The following GRIPAP1 variants were observed in gnomAD, a reference collection of about 807,000 sequenced individuals.
GRIPAP1 encodes the protein GRIP1-associated protein 1.
Under a neutral mutation model 84.1 loss-of-function variants are expected in GRIPAP1, and 14 were observed. The ratio of observed to expected loss-of-function variants is 0.17; its 90% CI spans 0.11 to 0.26. The LOEUF (loss-of-function observed/expected upper bound fraction) is 0.26, where lower values mean the gene tolerates loss of function less well. Among genes scored for constraint, GRIPAP1 ranks in the 10% least tolerant of loss-of-function variants. The pLI, the probability that GRIPAP1 is intolerant of heterozygous loss-of-function variation, is 1.00. For synonymous variants in GRIPAP1, 261 were observed against 256.8 expected, an observed-to-expected ratio of 1.02 and a Z score of -0.15; for missense variants, 518 against 674.2, an observed-to-expected ratio of 0.77 and a Z score of 2.57.
intron 21 of GRIPAP1, among the ~76,000 whole-genome samples, chrX:48,978,723 G>A (rs1240871362): frequency 9.1e-6 from 1 of 109,503 alleles, no homozygotes; most frequent in South Asian, 3.9e-4. Flanking sequence ...AAGAAACCCC[G>A]TCTCTACTAA....
rs782079337 is a variant in GRIPAP1 at position 48,975,339 on chromosome X, C to A, written c.2279-30G>T. ...AAGGGCCCAGGCTGAAAACCACCCC[C>A]TCGGCAGAGCCAGAGGAGAGCCAGG... On this transcript the variant is annotated intron_variant, in intron 24 of 25. Coordinates refer to ENST00000376423, the MANE Select transcript of GRIPAP1 (RefSeq NM_020137.5). 5 of 1,188,002 alleles carry A rather than the reference C, an allele frequency of 4.2e-6. No homozygotes were observed. In the South Asian group the frequency reaches 9.2e-5, roughly 22 times the overall value.
chrX:48,975,763 CAGGGAG>C (rs2064418725), intron 24 of GRIPAP1: 2 of 388,112 alleles, frequency 5.2e-6, no homozygotes, highest in African/African-American at 5.2e-5. Flanking sequence ...AGATGAGGCA[CAGGGAG>C]AGGAAAGGAG....
chrX:48,988,258 T>C, intron 11 of GRIPAP1, 60 bp from the exon 12 acceptor site: 6 of 834,006 alleles, frequency 7.2e-6, no homozygotes, highest in Non-Finnish European at 7.0e-6. Flanking sequence ...CATATAACCG[T>C]ACAGACTCTC....
At chrX:48,996,299 T>A (rs887292198) in intron 5 of GRIPAP1, among the ~76,000 whole-genome samples, 1 of 112,163 alleles carries the variant, frequency 8.9e-6, no homozygotes, top group African/African-American at 3.2e-5. Context: ...TATTCTCAGA[T>A]GGAGCCTTAG....
In GRIPAP1 at chrX:48,997,676, GGAGA is replaced by G. The variant is rs112313153; in HGVS notation, c.199-323_199-320del. On this transcript the variant is annotated intron_variant, in intron 4 of 25. Coordinates refer to ENST00000376423, the MANE Select transcript of GRIPAP1 (RefSeq NM_020137.5). ...TAGAAAAGGGGAGAGGGATTGGGAG[GGAGA>G]GAGTGAAAAAGACGGAGAGAAGAAC... Among the ~76,000 whole-genome samples the G allele has an allele frequency of 3.7e-3, 401 of 108,110 alleles. 1 individual carries two copies. Among genetic ancestry groups the G allele is most frequent in the African/African-American group, 0.013 (373 of 29,539 alleles). The allele number at this position is 108,110 out of a possible 115,157, so 93.9% of individuals were successfully genotyped here. A position where few individuals can be genotyped will look rare whatever the true frequency, so the allele number is the denominator to read the frequency against.
At chrX:48,982,667 C>T (rs1557062548) in intron 17 of GRIPAP1, among the ~76,000 whole-genome samples, 1 of 112,772 alleles carries the variant, frequency 8.9e-6, no homozygotes, top group African/African-American at 3.2e-5. Flanking sequence ...TGAGCCACCG[C>T]ACCCAGCAGG....
At chrX:48,989,777 T>C in intron 10 of GRIPAP1, 58 bp downstream of exon 10, 9 of 1,140,653 alleles carry the variant, frequency 7.9e-6, no homozygotes, top group Non-Finnish European at 9.6e-6. Flanking sequence ...TCTGCCCCTG[T>C]AATCTTCACT....
In GRIPAP1 at chrX:48,983,846, G is replaced by A. The variant is rs1557062989; in HGVS notation, c.1201C>T (p.Leu401=). The A allele has an allele frequency of 8.5e-7, 1 of 1,182,523 alleles. No individual in the cohort carries two copies. Among genetic ancestry groups the A allele is most frequent in the African/African-American group, 1.8e-5 (1 of 57,086 alleles). ...LQESLRANSR[L]LEQLQEIGQE... Reference sequence around the variant, plus strand: ...CCTATTTCTTGAAGTTGTTCCAGCAGTCGACTATTGGCCCGTAATGACTCC... The same window carrying A: ...CCTATTTCTTGAAGTTGTTCCAGCAATCGACTATTGGCCCGTAATGACTCC... The change falls in exon 15 of 26, where the codon CTG becomes TTG. Residue 401 remains leucine (L), a synonymous_variant. Coordinates refer to ENST00000376423, the MANE Select transcript of GRIPAP1 (RefSeq NM_020137.5).
chrX:48,977,654 T>C (rs1032840550), intron 22 of GRIPAP1: 3 of 111,332 alleles, frequency 2.7e-5, no homozygotes, highest in Non-Finnish European at 5.7e-5. Context: ...TGGTGACGTC[T>C]GGATGGTGAA....
At chrX:48,988,385 T>G (rs782276351) in intron 11 of GRIPAP1, 187 bp from the exon 12 acceptor site, 2 of 433,697 alleles carry the variant, frequency 4.6e-6, no homozygotes, top group African/African-American at 5.0e-5. Context: ...TCAGACACAG[T>G]CAACCCCTCT....
intron 13 of GRIPAP1, among the ~76,000 whole-genome samples, chrX:48,986,013 CG>C (rs2064485231): frequency 9.1e-6 from 1 of 109,942 alleles, no homozygotes; most frequent in Non-Finnish European, 1.9e-5. Flanking sequence ...GAGGCCGAGG[CG>C]GGTGGATCAT....
chrX:49,002,007 C>T (rs782585264), intron 1 of GRIPAP1, among the ~76,000 whole-genome samples, 181 bp downstream of exon 1: 169 of 111,051 alleles, frequency 1.5e-3, no homozygotes, highest in Non-Finnish European at 2.9e-3. Context: ...ACCTTCAAAG[C>T]CGCAGAGTAT....
intron 13 of GRIPAP1, among the ~76,000 whole-genome samples, chrX:48,986,918 G>A (rs1557063919): frequency 9.1e-6 from 1 of 109,739 alleles, no homozygotes. Context: ...GCACGATCTC[G>A]GCTCACCGCA....
chrX:48,976,091 G>A lies in GRIPAP1; in HGVS notation c.2205C>T (p.Ser735=), dbSNP rs781953346. The A allele has an allele frequency of 8.3e-7, 1 of 1,210,455 alleles. No individual in the cohort carries two copies. Among genetic ancestry groups the A allele is most frequent in the East Asian group, 3.0e-5 (1 of 33,836 alleles). The part of the protein sequence containing the change: ...LEEKVKHLEV[S]SASMAEDLCR... ...AGAGGTCCTCTGCCATGGAAGCACT[G>A]CTCACTTCCAGGTGCTTCACCTGCA... Residue 735 remains serine, a synonymous_variant, in exon 24 of 26, where the codon AGC becomes AGT. Transcript: ENST00000376423.
At chrX:48,975,445 T>C (rs2064417085) in intron 24 of GRIPAP1, 136 bp from the exon 25 acceptor site, 2 of 571,078 alleles carry the variant, frequency 3.5e-6, no homozygotes, top group African/African-American at 4.7e-5. Context: ...GACAGAGGCT[T>C]TGACATACAA....
At chrX:48,993,010 C>T (rs781828416) in intron 6 of GRIPAP1, among the ~76,000 whole-genome samples, 2 of 110,019 alleles carry the variant, frequency 1.8e-5, no homozygotes, top group South Asian at 3.9e-4. Flanking sequence ...CTAGTAGAGA[C>T]GGGGTTTCAC....
intron 21 of GRIPAP1, among the ~76,000 whole-genome samples, chrX:48,979,240 G>A (rs2064439914): frequency 9.2e-6 from 1 of 109,231 alleles, no homozygotes; most frequent in African/African-American, 3.3e-5. Context: ...CACTTTGGGA[G>A]GCCGAGGCGG....
Position 48,989,707 on chromosome X carries a change from G to A in GRIPAP1, c.774C>T (p.Asn258=). The change falls in exon 11 of 26, where the codon AAC becomes AAT. Residue 258 remains asparagine (N), a synonymous_variant. Coordinates refer to ENST00000376423, the MANE Select transcript of GRIPAP1 (RefSeq NM_020137.5). ...EKETLFNDSR[N]KIEELQQRKE... ...TCCGTTGTTGTAATTCCTCAATCTT[G>A]TTCCTAGGAGTGATGGGGAGGGGGT... 2 of 1,180,931 alleles carry A rather than the reference G, an allele frequency of 1.7e-6. No individual in the cohort carries two copies. Among genetic ancestry groups the A allele is most frequent in the Non-Finnish European group, 2.3e-6 (2 of 867,500 alleles).
intron 22 of GRIPAP1, 73 bp from the exon 23 acceptor site, chrX:48,976,436 G>C (rs2064423239): frequency 8.0e-6 from 9 of 1,118,412 alleles, no homozygotes; most frequent in Non-Finnish European, 9.5e-6. Context: ...TCAGGGACTG[G>C]GGAGGAGAAC....
Sources: allele counts gnomAD v4.1 joint callset (sites outside exome capture counted in the v4.1 genomes callset), GRCh38; gene constraint gnomAD v4.1.1; transcripts MANE v1.5; gene names NCBI Gene and HGNC (gene_info 2026-07-23, HGNC 2026-07-21).